The following CSMD1 variants were observed in gnomAD, a reference collection of about 807,000 sequenced individuals.
CSMD1 encodes the protein CUB and Sushi multiple domains 1, also known as CUB and sushi domain-containing protein 1.
Under a neutral mutation model 417.5 loss-of-function variants are expected in CSMD1, and 213 were observed. The ratio of observed to expected loss-of-function variants is 0.51; its 90% CI spans 0.46 to 0.57. CSMD1 has a LOEUF of 0.57. Among genes scored for constraint, CSMD1 ranks in the 20% least tolerant of loss-of-function variants. CSMD1 has a pLI of 0.00. For synonymous variants in CSMD1, 2,862 were observed against 1,736.8 expected (o/e 1.65, Z -16.11); for missense variants, 6,923 against 4,529.7 (o/e 1.53, Z -15.17).
intron 5 of CSMD1, among the ~76,000 whole-genome samples, chr8:3,834,274 C>T (rs1038936828): frequency 6.6e-6 from 1 of 152,128 alleles, no homozygotes; most frequent in Non-Finnish European, 1.5e-5. Context: ...GTATCTAGGG[C>T]TCTTCCAACT....
intron 12 of CSMD1, among the ~76,000 whole-genome samples, chr8:3,412,149 TAC>T (rs1256488099): frequency 2.2e-5 from 3 of 133,994 alleles, no homozygotes; most frequent in Admixed American, 7.8e-5. Flanking sequence ...TACATATATA[TAC>T]ACACGTATAT....
At chr8:3,914,072 T>A (rs1482023226) in intron 5 of CSMD1, among the ~76,000 whole-genome samples, 1 of 152,168 alleles carries the variant, frequency 6.6e-6, no homozygotes, top group African/African-American at 2.4e-5. Context: ...ATGATCACAA[T>A]AAAGAGTCAT....
At chr8:3,784,882 A>C (rs1799368991) in intron 5 of CSMD1, among the ~76,000 whole-genome samples, 1 of 152,212 alleles carries the variant, frequency 6.6e-6, no homozygotes, top group Non-Finnish European at 1.5e-5. Flanking sequence ...ACATTTGCTT[A>C]AAATTGTACT....
chr8:4,544,786 A>G (rs1417926129), intron 2 of CSMD1, among the ~76,000 whole-genome samples: 1 of 152,200 alleles, frequency 6.6e-6, no homozygotes, highest in African/African-American at 2.4e-5. Flanking sequence ...CTGTTCACTT[A>G]TAGACCAAAA....
At chr8:4,541,424 G>T (rs1011297344) in intron 2 of CSMD1, among the ~76,000 whole-genome samples, 1 of 152,148 alleles carries the variant, frequency 6.6e-6, no homozygotes, top group Admixed American at 6.5e-5. Flanking sequence ...GCACTTCTAA[G>T]TGGGCTCCAC....
intron 31 of CSMD1, 29 bp downstream of exon 31, chr8:3,205,475 A>T: frequency 9.2e-7 from 1 of 1,092,002 alleles, no homozygotes; most frequent in Non-Finnish European, 1.4e-6. Context: ...AAATATGACA[A>T]TGAATTAAAA....
chr8:4,880,244 C>A (rs1041963992), intron 1 of CSMD1, among the ~76,000 whole-genome samples: 2 of 152,108 alleles, frequency 1.3e-5, no homozygotes, highest in East Asian at 3.9e-4. Flanking sequence ...CATTCAGTGA[C>A]CTGTTCCCCA....
At chr8:3,604,616 G>C (rs955372773) in intron 8 of CSMD1, among the ~76,000 whole-genome samples, 1 of 151,994 alleles carries the variant, frequency 6.6e-6, no homozygotes, top group South Asian at 2.1e-4. Flanking sequence ...AAATAAAATA[G>C]TAAGCAAGAA....
Position 4,657,683 on chromosome 8 carries a change from T to C in CSMD1, c.86-20125A>G, listed in dbSNP as rs78720006. Among the ~76,000 whole-genome samples the C allele has an allele frequency of 5.3e-3, 791 of 147,918 alleles. 31 individuals are homozygous for C. In the East Asian group the frequency reaches 0.11, roughly 20 times the overall value. On this transcript the variant is annotated intron_variant, in intron 1 of 69. Transcript: ENST00000635120. ...CCAGTTCTCAAAAAATCATAAAACATTAACAAAAAGAAAATATGACCCACT... is the reference window on the plus strand; with the variant it reads ...CCAGTTCTCAAAAAATCATAAAACACTAACAAAAAGAAAATATGACCCACT...
chr8:4,265,460 G>A (rs1804182169), intron 3 of CSMD1, among the ~76,000 whole-genome samples: 1 of 60,636 alleles, frequency 1.6e-5, no homozygotes, highest in African/African-American at 3.4e-5. Context: ...ATTTGACCTC[G>A]ACTGTTATTG....
intron 5 of CSMD1, among the ~76,000 whole-genome samples, chr8:3,835,758 T>A (rs1302699624): frequency 6.6e-6 from 1 of 152,030 alleles, no homozygotes; most frequent in Admixed American, 6.6e-5. Context: ...GCTCCACCCT[T>A]AACCCCACCA....
intron 3 of CSMD1, among the ~76,000 whole-genome samples, chr8:4,104,044 G>T (rs1441629716): frequency 1.3e-5 from 2 of 152,126 alleles, no homozygotes; most frequent in Admixed American, 1.3e-4. Flanking sequence ...TGGCCCTTCT[G>T]GGCATTACTC....
intron 39 of CSMD1, 78 bp from the exon 40 acceptor site, chr8:3,151,591 A>C: frequency 3.5e-6 from 3 of 868,102 alleles, no homozygotes; most frequent in Non-Finnish European, 5.6e-6. Flanking sequence ...GCTTCACTCA[A>C]CTATGCTGAG....
chr8:3,182,628 G>GAAGC (rs1821424725), intron 36 of CSMD1, among the ~76,000 whole-genome samples: 1 of 40,946 alleles, frequency 2.4e-5, no homozygotes, highest in Non-Finnish European at 5.9e-5. Flanking sequence ...GTGTGTGTGT[G>GAAGC]TGTGTATTGT....
chr8:4,309,620 C>G (rs1243495807), intron 3 of CSMD1, among the ~76,000 whole-genome samples: 18 of 152,224 alleles, frequency 1.2e-4, no homozygotes, highest in Middle Eastern at 3.4e-3. Context: ...TAGTACAACT[C>G]CCTTGGGAAG....
chr8:4,421,948 C>T (rs1021187367), intron 2 of CSMD1, among the ~76,000 whole-genome samples: 2 of 151,886 alleles, frequency 1.3e-5, no homozygotes, highest in Non-Finnish European at 2.9e-5. Flanking sequence ...CAAAGAGTCA[C>T]TGTCATTAAA....
intron 51 of CSMD1, among the ~76,000 whole-genome samples, chr8:3,024,946 C>T (rs574835878): frequency 2.6e-5 from 4 of 151,624 alleles, no homozygotes; most frequent in South Asian, 2.1e-4. Context: ...CTTGGATACA[C>T]GTGCCCTAAA....
intron 3 of CSMD1, among the ~76,000 whole-genome samples, chr8:4,082,730 C>T (rs981720702): frequency 6.6e-6 from 1 of 151,124 alleles, no homozygotes; most frequent in Admixed American, 6.6e-5. Flanking sequence ...CGTCATTTAG[C>T]ATTAGGTATA....
chr8:4,340,378 A>G (rs549968132), intron 3 of CSMD1, among the ~76,000 whole-genome samples: 211 of 152,180 alleles, frequency 1.4e-3, no homozygotes, highest in Non-Finnish European at 2.3e-3. Context: ...AATGTAGAAA[A>G]TAACACTCTT....
Sources: allele counts gnomAD v4.1 joint callset (sites outside exome capture counted in the v4.1 genomes callset), GRCh38; gene constraint gnomAD v4.1.1; transcripts MANE v1.5; gene names NCBI Gene and HGNC (gene_info 2026-07-23, HGNC 2026-07-21).